UNC13A: variants seen among roughly 807,000 people sequenced by gnomAD.
The protein encoded by UNC13A is unc-13 homolog A.
In UNC13A, 61 loss-of-function variants were observed where a neutral mutation model predicts 219.7. That is an observed-to-expected ratio of 0.28 (90% CI 0.23 to 0.34). UNC13A has a LOEUF of 0.34. Among genes scored for constraint, UNC13A ranks in the 10% least tolerant of loss-of-function variants. The probability of loss-of-function intolerance (pLI) is 1.00; values close to 1 mark genes in which losing one functional copy is unlikely to be tolerated. For missense variants in UNC13A, 1,476 were observed against 2,270.3 expected (o/e 0.65, Z 7.11); for synonymous variants, 920 against 884.6 (o/e 1.04, Z -0.71).
intron 41 of UNC13A, among the ~76,000 whole-genome samples, chr19:17,614,723 GTA>G (rs1443572518): frequency 2.0e-5 from 3 of 152,068 alleles, no homozygotes; most frequent in African/African-American, 7.2e-5. Context: ...CAGTACTGGG[GTA>G]TGTGGCCCCG....
chr19:17,669,936 T>A (rs1315570727), intron 4 of UNC13A, among the ~76,000 whole-genome samples: 1 of 123,436 alleles, frequency 8.1e-6, no homozygotes, highest in Non-Finnish European at 1.6e-5. Flanking sequence ...TCTCTCTTTT[T>A]TCTTTTCTTT....
chr19:17,648,286 T>G, intron 16 of UNC13A, 145 bp downstream of exon 16: 6 of 700,354 alleles, frequency 8.6e-6, no homozygotes, highest in Non-Finnish European at 9.7e-6. Flanking sequence ...TTTCAGCGAG[T>G]CCCTCCCCTG....
chr19:17,663,797 T>C (rs1434956089), intron 7 of UNC13A, among the ~76,000 whole-genome samples: 1 of 151,034 alleles, frequency 6.6e-6, no homozygotes. Context: ...TTTTTTCTTT[T>C]CTTTAATTTT....
At chr19:17,611,533 C>A (rs2076603712) in intron 42 of UNC13A, among the ~76,000 whole-genome samples, 1 of 152,128 alleles carries the variant, frequency 6.6e-6, no homozygotes, top group Admixed American at 6.6e-5. Context: ...TTCTAGTCAA[C>A]AAAAGCCAAG....
chr19:17,683,590 G>C (rs1397858996), intron 1 of UNC13A, among the ~76,000 whole-genome samples: 112 of 150,058 alleles, frequency 7.5e-4, no homozygotes, highest in African/African-American at 2.7e-3. Context: ...CTTGGAAGGT[G>C]GAGGTTTCAG....
intron 26 of UNC13A, among the ~76,000 whole-genome samples, chr19:17,633,780 T>G (rs1415856767): frequency 6.6e-6 from 1 of 151,354 alleles, no homozygotes; most frequent in Non-Finnish European, 1.5e-5. Flanking sequence ...CATCCAACTA[T>G]TCATCCATCC....
At chr19:17,606,497 C>T (rs1308874961) in intron 43 of UNC13A, 143 bp from the exon 44 acceptor site, 2 of 1,238,848 alleles carry the variant, frequency 1.6e-6, no homozygotes, top group Non-Finnish European at 2.2e-6. Context: ...AGCCCCGCCC[C>T]TGCCCCGTTA....
intron 1 of UNC13A, among the ~76,000 whole-genome samples, chr19:17,684,046 A>G (rs1599423940): frequency 6.6e-6 from 1 of 152,218 alleles, no homozygotes; most frequent in African/African-American, 2.4e-5. Flanking sequence ...CAGCAAGCTG[A>G]GATCATGCCA....
chr19:17,652,517 C>T, intron 12 of UNC13A, 114 bp downstream of exon 12: 1 of 1,335,076 alleles, frequency 7.5e-7, no homozygotes, highest in Non-Finnish European at 1.1e-6. Context: ...CTCAATCTGT[C>T]CCCTGTCTAA....
At chr19:17,620,629 G>T in intron 38 of UNC13A, 64 bp downstream of exon 38, 2 of 1,459,684 alleles carry the variant, frequency 1.4e-6, no homozygotes, top group Non-Finnish European at 1.9e-6. Context: ...GTGGAAGGGG[G>T]CACAGGGGTG....
chr19:17,676,122 G>C (rs1004990024), intron 1 of UNC13A, 81 bp from the exon 2 acceptor site: 1 of 1,395,422 alleles, frequency 7.2e-7, no homozygotes, highest in Non-Finnish European at 1.0e-6. Flanking sequence ...GAGATTCAGA[G>C]ACACACCAAG....
In UNC13A at chr19:17,634,300, C is replaced by T. The variant is rs536070093; in HGVS notation, c.3216-1107G>A. 1.2e-4 allele frequency among the ~76,000 whole-genome samples: 18 copies of T among 152,220 alleles called. 1 individual carries two copies. The South Asian group carries it at 3.5e-3, about 30-fold the overall frequency. On this transcript the variant is annotated intron_variant, in intron 26 of 43. Coordinates refer to ENST00000519716, the MANE Select transcript of UNC13A (RefSeq NM_001080421.3). ...TTTACTCACTTATGCAGCTATCCAC[C>T]CATCCATTTACCCATCCATCTGTCC...
chr19:17,666,519 A>G (rs2079650151), intron 7 of UNC13A, 131 bp downstream of exon 7: 4 of 613,152 alleles, frequency 6.5e-6, no homozygotes, highest in South Asian at 5.7e-5. Flanking sequence ...TTTCTAATAC[A>G]CTGTAAGTGG....
At chr19:17,648,891 A>G (rs1323093211) in intron 15 of UNC13A, 21 bp downstream of exon 15, 4 of 1,575,966 alleles carry the variant, frequency 2.5e-6, no homozygotes, top group Non-Finnish European at 3.4e-6. Flanking sequence ...TGACCCGGGG[A>G]AAAAGAGGTG....
Position 17,616,354 on chromosome 19 carries a change from G to T in UNC13A, c.4558+1348C>A, listed in dbSNP as rs535536362. 7.3e-6 allele frequency: 5 copies of T among 684,718 alleles called. No individual in the cohort carries two copies. In the Admixed American group the frequency reaches 1.0e-4, roughly 14 times the overall value. The allele number at this position is 684,718 out of a possible 1,614,324, so 42.4% of individuals were successfully genotyped here. On this transcript the variant is annotated intron_variant, in intron 41 of 43. Coordinates refer to ENST00000519716, the MANE Select transcript of UNC13A (RefSeq NM_001080421.3). ...CTTTTACTAGCCGGGGCCAGGAGGG[G>T]CGCAGGCACCGGGCACCAGGCGCGG...
intron 41 of UNC13A, among the ~76,000 whole-genome samples, chr19:17,612,576 G>A (rs1271904087): frequency 1.3e-5 from 2 of 152,076 alleles, no homozygotes; most frequent in Non-Finnish European, 2.9e-5. Context: ...GGCAGGGCGC[G>A]GTGGCTCACA....
intron 41 of UNC13A, chr19:17,616,387 G>C (rs1214892821): frequency 1.4e-6 from 1 of 692,492 alleles, no homozygotes; most frequent in Non-Finnish European, 2.6e-6. Flanking sequence ...CGGGCGGCGG[G>C]CGGGAGGCGG....
intron 2 of UNC13A, 74 bp downstream of exon 2, chr19:17,675,938 C>G (rs1312021516): frequency 6.6e-7 from 1 of 1,526,266 alleles, no homozygotes; most frequent in African/African-American, 1.4e-5. Flanking sequence ...GGGCTGGGAC[C>G]CCCTCCCAGT....
At chr19:17,616,888 AC>A (rs1301809070) in intron 41 of UNC13A, among the ~76,000 whole-genome samples, 1 of 151,948 alleles carries the variant, frequency 6.6e-6, no homozygotes, top group Non-Finnish European at 1.5e-5. Flanking sequence ...CCTTGTCGGG[AC>A]CAATTTTGAA....
Sources: gnomAD v4.1 joint callset for allele counts (sites outside exome capture counted in the v4.1 genomes callset) on GRCh38, gnomAD v4.1.1 for gene constraint, MANE v1.5 for transcripts, NCBI Gene and HGNC (gene_info 2026-07-23, HGNC 2026-07-21) for gene names.